Variants in QTMAN observed in about 807,000 individuals in gnomAD.
The protein encoded by QTMAN is queuosine-tRNA mannosyltransferase, also known as tRNA-queuosine alpha-mannosyltransferase.
At chr2:144,256,111 T>C in the QTMAN span, among the ~76,000 whole-genome samples, 2 of 152,204 alleles carry the variant, frequency 1.3e-5, no homozygotes, top group African/African-American at 2.4e-5. Context: ...GCAATGGTTC[T>C]CCTGCTCATA....
chr2:144,097,198 C>T, the QTMAN span, among the ~76,000 whole-genome samples: 1 of 152,220 alleles, frequency 6.6e-6, no homozygotes, highest in Non-Finnish European at 1.5e-5. Context: ...TTTCCTTTCT[C>T]TGTTCACAGT....
chr2:144,158,428 T>C, the QTMAN span, among the ~76,000 whole-genome samples: 3 of 151,924 alleles, frequency 2.0e-5, no homozygotes, highest in Non-Finnish European at 4.4e-5. Context: ...TGCTACCTGC[T>C]TCTATAATGT....
chr2:144,021,172 T>C, the QTMAN span, among the ~76,000 whole-genome samples: 5 of 152,164 alleles, frequency 3.3e-5, no homozygotes, highest in Admixed American at 6.5e-5. Context: ...AGAATCATTA[T>C]AGAATTTCAG....
At chr2:144,106,432 C>CA in the QTMAN span, among the ~76,000 whole-genome samples, 59 of 151,738 alleles carry the variant, frequency 3.9e-4, no homozygotes, top group African/African-American at 1.4e-3. Context: ...AAATGGAAAA[C>CA]AAAAAAAGGC....
chr2:144,100,234 A>G, the QTMAN span, among the ~76,000 whole-genome samples: 1 of 152,182 alleles, frequency 6.6e-6, no homozygotes. Flanking sequence ...GAAACTAGAG[A>G]GCAGCAGCTC....
chr2:143,957,195 A>G, the QTMAN span: 3 of 1,585,572 alleles, frequency 1.9e-6, no homozygotes, highest in Non-Finnish European at 2.6e-6. Context: ...AAGAACTTAC[A>G]TTGCCACTCC....
At chr2:144,216,878 G>C in the QTMAN span, among the ~76,000 whole-genome samples, 1 of 152,054 alleles carries the variant, frequency 6.6e-6, no homozygotes, top group Non-Finnish European at 1.5e-5. Flanking sequence ...TTGAGAAGTG[G>C]AAGTAGGATA....
the QTMAN span, among the ~76,000 whole-genome samples, chr2:144,191,009 C>T: frequency 5.0e-3 from 761 of 152,276 alleles, 3 homozygotes; most frequent in Non-Finnish European, 7.2e-3. Context: ...ATAGAAAGTT[C>T]GTGTCTAATG....
chr2:144,007,392 C>T, the QTMAN span: 4 of 1,613,314 alleles, frequency 2.5e-6, no homozygotes, highest in East Asian at 4.5e-5. Flanking sequence ...GTGTGTATCA[C>T]ACTCTGAATT....
chr2:144,098,142 C>T, the QTMAN span, among the ~76,000 whole-genome samples: 2 of 152,208 alleles, frequency 1.3e-5, no homozygotes, highest in Non-Finnish European at 2.9e-5. Context: ...CACTGACCTT[C>T]AAGTTCCAAG....
the QTMAN span, among the ~76,000 whole-genome samples, chr2:144,144,143 C>G: frequency 2.0e-5 from 3 of 151,906 alleles, no homozygotes; most frequent in Non-Finnish European, 2.9e-5. Flanking sequence ...TAGTCTCATT[C>G]CCTATCAGCA....
At chr2:144,138,148 T>C in the QTMAN span, among the ~76,000 whole-genome samples, 3 of 152,008 alleles carry the variant, frequency 2.0e-5, no homozygotes, top group Non-Finnish European at 4.4e-5. Flanking sequence ...GCAGTCTGTG[T>C]GAAAATCAGG....
At chr2:144,208,616 T>TG in the QTMAN span, 1 of 1,613,108 alleles carries the variant, frequency 6.2e-7, no homozygotes, top group African/African-American at 1.3e-5. Context: ...TAATGCTCAC[T>TG]GATGGGAATG....
At chr2:143,954,632 C>A in the QTMAN span, among the ~76,000 whole-genome samples, 7 of 152,014 alleles carry the variant, frequency 4.6e-5, no homozygotes, top group Non-Finnish European at 1.0e-4. Context: ...AAACCACCAT[C>A]TCTTTTGGTT....
chr2:143,966,467 T>C, the QTMAN span, among the ~76,000 whole-genome samples: 1 of 152,224 alleles, frequency 6.6e-6, no homozygotes, highest in Non-Finnish European at 1.5e-5. Flanking sequence ...GCATCCTAAA[T>C]GTTCAACAGT....
At chr2:144,327,243 C>T in the QTMAN span, among the ~76,000 whole-genome samples, 1 of 152,152 alleles carries the variant, frequency 6.6e-6, no homozygotes, top group Non-Finnish European at 1.5e-5. Flanking sequence ...TCCCCCATAC[C>T]CCACCCCACA....
the QTMAN span, among the ~76,000 whole-genome samples, chr2:144,321,023 T>C: frequency 6.6e-6 from 1 of 152,236 alleles, no homozygotes; most frequent in Non-Finnish European, 1.5e-5. Flanking sequence ...TCTATATAGA[T>C]GGATTTCCCA....
At chr2:144,171,275 C>T in the QTMAN span, among the ~76,000 whole-genome samples, 1 of 152,094 alleles carries the variant, frequency 6.6e-6, no homozygotes, top group Non-Finnish European at 1.5e-5. Context: ...TGTCAGATAC[C>T]ACAGCTTCAA....
At chr2:143,979,996 T>G in the QTMAN span, among the ~76,000 whole-genome samples, 5 of 152,134 alleles carry the variant, frequency 3.3e-5, no homozygotes, top group Non-Finnish European at 5.9e-5. Flanking sequence ...CCATTTTCTT[T>G]CTTCTTTTTT....
Sources: allele counts gnomAD v4.1 joint callset (sites outside exome capture counted in the v4.1 genomes callset), GRCh38; gene constraint gnomAD v4.1.1; transcripts MANE v1.5; gene names NCBI Gene and HGNC (gene_info 2026-07-23, HGNC 2026-07-21).